CD2AP: variants seen among roughly 807,000 people sequenced by gnomAD.
CD2AP encodes the protein CD2-associated protein.
A neutral mutation model predicts 85.1 loss-of-function variants in CD2AP; 46 were observed. That is an observed-to-expected ratio of 0.54 (90% CI 0.43 to 0.69). CD2AP has a LOEUF of 0.69. Among genes scored for constraint, CD2AP ranks in the 30% least tolerant of loss-of-function variants. The pLI is 0.00. For synonymous variants in CD2AP, 255 were observed against 252.9 expected (o/e 1.01, Z -0.08); for missense variants, 769 against 729.5 (o/e 1.05, Z -0.62).
chr6:47,515,202 TG>T (rs969209828), intron 2 of CD2AP, among the ~76,000 whole-genome samples: 1 of 152,132 alleles, frequency 6.6e-6, no homozygotes, highest in Admixed American at 6.5e-5. Context: ...AGTTTTCATA[TG>T]GGGGAGTAAT....
At chr6:47,505,650 G>C (rs1371092402) in intron 2 of CD2AP, among the ~76,000 whole-genome samples, 3 of 106,880 alleles carry the variant, frequency 2.8e-5, no homozygotes, top group African/African-American at 6.6e-5. Flanking sequence ...CCTCCCGGAC[G>C]GGGCGGCTGG....
Position 47,561,155 on chromosome 6 carries a change from A to G in CD2AP, c.541+6389A>G, listed in dbSNP as rs562447169. 4.6e-5 allele frequency among the ~76,000 whole-genome samples: 7 copies of G among 152,308 alleles called. No individual in the cohort carries two copies. In the South Asian group the frequency reaches 6.2e-4, roughly 14 times the overall value. ...CAACTTTATTGGAGGTACAATTTACATACAGTAATTGTGTCCCTTTAAAAT... is the reference window on the plus strand; with the variant it reads ...CAACTTTATTGGAGGTACAATTTACGTACAGTAATTGTGTCCCTTTAAAAT... On this transcript the variant is annotated intron_variant, in intron 5 of 17. Transcript: ENST00000359314.
At chr6:47,554,844 A>G in intron 5 of CD2AP, 78 bp downstream of exon 5, 1 of 1,398,368 alleles carries the variant, frequency 7.2e-7, no homozygotes, top group South Asian at 1.4e-5. Context: ...GTATTTTTTG[A>G]AACTCTGTTC....
intron 5 of CD2AP, among the ~76,000 whole-genome samples, chr6:47,561,416 G>A (rs1030614683): frequency 2.0e-5 from 3 of 151,702 alleles, no homozygotes; most frequent in Admixed American, 6.6e-5. Flanking sequence ...GATATTCCAA[G>A]CTCATTTTGA....
At position 47,576,578 on chromosome 6, in the gene CD2AP, A is replaced by G; in HGVS notation, c.784A>G (p.Thr262Ala). 1 of 1,611,802 alleles carries G rather than the reference A, an allele frequency of 6.2e-7. No homozygotes were observed. Among genetic ancestry groups the G allele is most frequent in the Non-Finnish European group, 8.5e-7 (1 of 1,178,228 alleles). The stretch of plus-strand genomic sequence containing the variant: ...AACTCAGAGTGTGGAGATAACAAAA[A>G]CAGATACCGAAGGTAAAATTAAAGG... The part of the protein sequence containing the change: ...PKTQSVEITK[T>A]DTEGKIKAKE... The change falls in exon 7 of 18, where the codon ACA (threonine) becomes GCA (alanine). Residue 262 changes from threonine (T) to alanine (A), a missense_variant. Thr to Ala is a moderately conservative substitution (Grantham distance 58). Transcript: ENST00000359314.
In CD2AP at chr6:47,577,108, G is replaced by C. The variant is rs1768336069; in HGVS notation, c.903+5G>C. The C allele has an allele frequency of 7.0e-7, 1 of 1,432,818 alleles. No individual in the cohort carries two copies. The highest frequency in any genetic ancestry group is 9.8e-7 in the Non-Finnish European group (1 of 1,015,612). 88.8% of individuals were successfully genotyped at this position (1,432,818 alleles called of 1,614,324 possible). ...ATAATCCATTTGATAAGTAAGGTAA[G>C]GTGTTTCTGTTTTTCAGTGAATTGC... On this transcript the variant is annotated splice_donor_5th_base_variant and intron_variant, in intron 8 of 17. Transcript: ENST00000359314.
chr6:47,540,652 G>A (rs1243833772), intron 3 of CD2AP, among the ~76,000 whole-genome samples: 17 of 151,940 alleles, frequency 1.1e-4, no homozygotes, highest in Non-Finnish European at 2.2e-4. Flanking sequence ...AAAGCTCTTG[G>A]GTAAAATATA....
chr6:47,546,301 A>G (rs1767362769), intron 4 of CD2AP, among the ~76,000 whole-genome samples: 1 of 152,148 alleles, frequency 6.6e-6, no homozygotes, highest in Non-Finnish European at 1.5e-5. Flanking sequence ...CCAATCCAAC[A>G]AAGACAAAGA....
chr6:47,536,889 A>G (rs1767064751), intron 3 of CD2AP, among the ~76,000 whole-genome samples: 1 of 152,218 alleles, frequency 6.6e-6, no homozygotes, highest in Non-Finnish European at 1.5e-5. Flanking sequence ...TCAGAATATT[A>G]GCAGTCAGCG....
chr6:47,517,035 G>A (rs1268345967), intron 2 of CD2AP, among the ~76,000 whole-genome samples: 1 of 152,110 alleles, frequency 6.6e-6, no homozygotes, highest in African/African-American at 2.4e-5. Context: ...CATGGGGGCT[G>A]ATCTGGCATG....
chr6:47,626,112 G>A lies in CD2AP; in HGVS notation c.*1885G>A, dbSNP rs1561839359. ...CCTGGTCATCCTAATAATGGGATGA[G>A]GGAAGTTTCCAGCAGATTTCAGGCT... On this transcript the variant is annotated 3_prime_UTR_variant, in exon 18 of 18. Coordinates refer to ENST00000359314, the MANE Select transcript of CD2AP (RefSeq NM_012120.3). The A allele has an allele frequency of 6.6e-6, 1 of 151,896 alleles. No individual in the cohort carries two copies. Among genetic ancestry groups the A allele is most frequent in the Non-Finnish European group, 1.5e-5 (1 of 67,804 alleles). 9.4% of individuals were successfully genotyped at this position (151,896 alleles called of 1,614,324 possible). A position where few individuals can be genotyped will look rare whatever the true frequency, so the allele number is the denominator to read the frequency against.
At chr6:47,504,308 A>G (rs1251486000) in intron 2 of CD2AP, among the ~76,000 whole-genome samples, 1 of 152,238 alleles carries the variant, frequency 6.6e-6, no homozygotes, top group East Asian at 1.9e-4. Flanking sequence ...CAGCTTGGAC[A>G]GTAGTTGTTA....
At chr6:47,507,962 A>G (rs534668582) in intron 2 of CD2AP, among the ~76,000 whole-genome samples, 3 of 152,340 alleles carry the variant, frequency 2.0e-5, no homozygotes, top group South Asian at 2.1e-4. Flanking sequence ...AAATTACTCA[A>G]TAAACCATGC....
intron 11 of CD2AP, among the ~76,000 whole-genome samples, chr6:47,585,031 C>T (rs955453809): frequency 1.3e-5 from 2 of 151,884 alleles, no homozygotes; most frequent in Non-Finnish European, 2.9e-5. Flanking sequence ...CGGTGTCTTA[C>T]GCCTGTAATC....
At chr6:47,572,312 T>C (rs1202685526) in intron 5 of CD2AP, among the ~76,000 whole-genome samples, 1 of 152,228 alleles carries the variant, frequency 6.6e-6, no homozygotes, top group Non-Finnish European at 1.5e-5. Context: ...CGAATTGTTC[T>C]GTATCTTGTT....
At chr6:47,574,785 A>G (rs1168170388) in intron 6 of CD2AP, among the ~76,000 whole-genome samples, 1 of 152,034 alleles carries the variant, frequency 6.6e-6, no homozygotes. Context: ...GCATTGTGAA[A>G]TGAAACCAAG....
At chr6:47,497,326 C>CTTTCA (rs1293568735) in intron 1 of CD2AP, among the ~76,000 whole-genome samples, 62 of 144,440 alleles carry the variant, frequency 4.3e-4, no homozygotes, top group Middle Eastern at 3.5e-3. Context: ...CTTTCCTTTC[C>CTTTCA]TTTCCTTTCC....
At chr6:47,578,110 A>G (rs1234909603) in intron 8 of CD2AP, among the ~76,000 whole-genome samples, 1 of 152,176 alleles carries the variant, frequency 6.6e-6, no homozygotes, top group Admixed American at 6.5e-5. Context: ...GAATTTTCAT[A>G]TTAATATAAT....
intron 3 of CD2AP, among the ~76,000 whole-genome samples, chr6:47,534,161 G>A (rs931675053): frequency 2.6e-5 from 4 of 152,122 alleles, no homozygotes; most frequent in Admixed American, 6.5e-5. Flanking sequence ...CAAGGTGGTT[G>A]GCCTTGCAAA....
Sources: allele counts gnomAD v4.1 joint callset (sites outside exome capture counted in the v4.1 genomes callset), GRCh38; gene constraint gnomAD v4.1.1; transcripts MANE v1.5; gene names NCBI Gene and HGNC (gene_info 2026-07-23, HGNC 2026-07-21).